The following LRP6 variants were observed in gnomAD, a reference collection of about 807,000 sequenced individuals.
LRP6 encodes the protein low-density lipoprotein receptor-related protein 6.
LRP6 carries 43 observed loss-of-function variants against 184.1 expected under a neutral mutation model. The observed-to-expected ratio is 0.23, with a 90% CI of 0.18 to 0.30. The LOEUF (loss-of-function observed/expected upper bound fraction) is 0.30. Among genes scored for constraint, LRP6 ranks in the 10% least tolerant of loss-of-function variants. LRP6 has a pLI of 1.00. For missense variants in LRP6, 1,571 were observed against 2,005.3 expected, an observed-to-expected ratio of 0.78 and a Z score of 4.14; for synonymous variants, 719 against 684.9, an observed-to-expected ratio of 1.05 and a Z score of -0.78.
chr12:12,142,166 TG>T (rs956627722), intron 15 of LRP6, among the ~76,000 whole-genome samples: 1 of 152,202 alleles, frequency 6.6e-6, no homozygotes, highest in African/African-American at 2.4e-5. Flanking sequence ...GCTTGTTTTT[TG>T]TTACAAGCCA....
intron 7 of LRP6, among the ~76,000 whole-genome samples, chr12:12,178,799 C>T (rs889267589): frequency 2.0e-5 from 3 of 152,148 alleles, no homozygotes; most frequent in African/African-American, 7.2e-5. Flanking sequence ...ATGCCGTTTT[C>T]AGTATTTGAG....
In LRP6 at chr12:12,120,195, A is replaced by G. The variant is rs1591856066; in HGVS notation, c.*931T>C. 1.3e-5 allele frequency: 2 copies of G among 151,732 alleles called. No individual in the cohort carries two copies. Among genetic ancestry groups the G allele is most frequent in the South Asian group, 4.2e-4 (2 of 4,806 alleles). The allele number at this position is 151,732 out of a possible 1,614,324, so 9.4% of individuals were successfully genotyped here. ...AGCATTAAAACAATCTTGGAAGAAG[A>G]GAAATAATATGTCTAACTTTTGATC... On this transcript the variant is annotated 3_prime_UTR_variant, in exon 23 of 23. Transcript: ENST00000261349.
At chr12:12,171,445 C>T (rs1055323064) in intron 7 of LRP6, among the ~76,000 whole-genome samples, 2 of 151,828 alleles carry the variant, frequency 1.3e-5, no homozygotes, top group Admixed American at 1.3e-4. Context: ...TGGCGTGAAC[C>T]CGGGAGGTGG....
chr12:12,237,398 C>G (rs924979041), intron 2 of LRP6, among the ~76,000 whole-genome samples: 1 of 152,100 alleles, frequency 6.6e-6, no homozygotes, highest in Non-Finnish European at 1.5e-5. Context: ...ATTTGGCAAA[C>G]AGCAAACATC....
chr12:12,171,243 G>A (rs1043725274), intron 7 of LRP6, among the ~76,000 whole-genome samples: 16 of 152,188 alleles, frequency 1.1e-4, no homozygotes, highest in Admixed American at 3.3e-4. Flanking sequence ...TTGGCCGAGC[G>A]CGGTGGCTCA....
At chr12:12,149,189 C>T in intron 13 of LRP6, 36 bp from the exon 14 acceptor site, 1 of 1,549,366 alleles carries the variant, frequency 6.5e-7, no homozygotes, top group African/African-American at 1.4e-5. Flanking sequence ...AAATTAAACT[C>T]CAGGGGCAGA....
Position 12,120,994 on chromosome 12 carries a change from C to A in LRP6, c.*132G>T, listed in dbSNP as rs1949596582. The A allele has an allele frequency of 1.5e-6, 1 of 682,356 alleles. No homozygotes were observed. The highest frequency in any genetic ancestry group is 2.4e-6 in the Non-Finnish European group (1 of 422,044). 42.3% of individuals were successfully genotyped at this position (682,356 alleles called of 1,614,324 possible). A position where few individuals can be genotyped will look rare whatever the true frequency, so the allele number is the denominator to read the frequency against. ...TACAAATATCTCCAGTATTCCCTAC[C>A]CCATTTTATAATTTTAACTGTACAT... On this transcript the variant is annotated 3_prime_UTR_variant, in exon 23 of 23. Coordinates refer to ENST00000261349, the MANE Select transcript of LRP6 (RefSeq NM_002336.3).
intron 2 of LRP6, among the ~76,000 whole-genome samples, chr12:12,213,076 A>ATT (rs952923421): frequency 6.6e-6 from 1 of 152,202 alleles, no homozygotes; most frequent in Admixed American, 6.5e-5. Context: ...TCTGGAGTAA[A>ATT]TATTTTTTTC....
chr12:12,200,396 T>C (rs913261011), intron 3 of LRP6, among the ~76,000 whole-genome samples: 9 of 152,176 alleles, frequency 5.9e-5, no homozygotes, highest in Non-Finnish European at 1.2e-4. Flanking sequence ...TGTTCATGAA[T>C]GTGTCCTCAT....
rs1555100516 is a variant in LRP6, at chr12:12,119,987, C to CAA, written c.*1137_*1138dup. 3 of 42,932 alleles carry CAA rather than the reference C, an allele frequency of 7.0e-5. No individual in the cohort carries two copies. The highest frequency in any genetic ancestry group is 2.7e-4 in the African/African-American group (3 of 10,958). 2.7% of individuals were successfully genotyped at this position (42,932 alleles called of 1,614,324 possible). ...TTTACTCAGAAAACAAACAAACAAA[C>CAA]AAAATATATATATATATATATATAT... On this transcript the variant is annotated 3_prime_UTR_variant, in exon 23 of 23. Transcript: ENST00000261349.
chr12:12,264,618 T>A (rs1865710504), intron 1 of LRP6, among the ~76,000 whole-genome samples: 1 of 152,152 alleles, frequency 6.6e-6, no homozygotes. Flanking sequence ...ATGACCTAAA[T>A]GCAACAAATC....
rs984254066 is a variant in LRP6 at position 12,132,149 on chromosome 12, A to C, written c.3734-92T>G. Reference sequence around the variant, plus strand: ...ATACCTGAGTGAAGCTCATTTAATAATTAACATACACAAAATACTTTATAA... The same window carrying C: ...ATACCTGAGTGAAGCTCATTTAATACTTAACATACACAAAATACTTTATAA... On this transcript the variant is annotated intron_variant, in intron 17 of 22. Coordinates refer to ENST00000261349, the MANE Select transcript of LRP6 (RefSeq NM_002336.3). 3 of 796,918 alleles carry C rather than the reference A, an allele frequency of 3.8e-6. No homozygotes were observed. In the African/African-American group the frequency reaches 5.1e-5, roughly 14 times the overall value. 49.4% of individuals were successfully genotyped at this position (796,918 alleles called of 1,614,324 possible). A position where few individuals can be genotyped will look rare whatever the true frequency, so the allele number is the denominator to read the frequency against.
chr12:12,263,125 C>T (rs1865662809), intron 1 of LRP6, among the ~76,000 whole-genome samples: 1 of 148,782 alleles, frequency 6.7e-6, no homozygotes, highest in African/African-American at 2.5e-5. Flanking sequence ...ATTAGCTGGG[C>T]ATGGTGGTGC....
intron 13 of LRP6, among the ~76,000 whole-genome samples, chr12:12,149,564 G>A (rs1195069400): frequency 6.6e-6 from 1 of 152,296 alleles, no homozygotes; most frequent in East Asian, 1.9e-4. Flanking sequence ...AATGTATGAA[G>A]ACATTTTTTA....
chr12:12,165,088 G>C lies in LRP6; in HGVS notation c.1753C>G (p.Arg585Gly). ...CTTTGGAGTTACTCACCAATCACTC[G>C]ATGAACATTTGTAGCCTTTAGGCCC... ...LMGLKATNVH[R>G]VIGSNPCAEE... The change falls in exon 8 of 23, where the codon CGA becomes GGA. Residue 585 changes from arginine to glycine, a missense_variant. Physicochemically the swap from Arg to Gly is moderately radical, Grantham distance 125. This residue lies in a region of LRP6 where 640 missense variants were observed against 851.9 expected (regional missense o/e 0.75). Transcript: ENST00000261349. 1 of 1,612,894 alleles carries C rather than the reference G, an allele frequency of 6.2e-7. No homozygotes were observed. Among genetic ancestry groups the C allele is most frequent in the Non-Finnish European group, 8.5e-7 (1 of 1,179,076 alleles).
chr12:12,161,691 G>T (rs991466827), intron 10 of LRP6, among the ~76,000 whole-genome samples: 2 of 152,130 alleles, frequency 1.3e-5, no homozygotes, highest in Non-Finnish European at 2.9e-5. Context: ...ATCATGTTGT[G>T]AACAGTTTAT....
At chr12:12,249,185 C>G in intron 1 of LRP6, 1 of 739,112 alleles carries the variant, frequency 1.4e-6, no homozygotes, top group Non-Finnish European at 2.4e-6. Flanking sequence ...GAATATACAG[C>G]CTTAAAATAA....
At chr12:12,148,190 G>A (rs1057344170) in intron 14 of LRP6, among the ~76,000 whole-genome samples, 8 of 151,810 alleles carry the variant, frequency 5.3e-5, no homozygotes, top group Non-Finnish European at 8.8e-5. Flanking sequence ...AGCTTTCATA[G>A]ATTAACAGAA....
intron 6 of LRP6, among the ~76,000 whole-genome samples, chr12:12,180,779 C>A (rs187612962): frequency 2.0e-4 from 30 of 152,042 alleles, no homozygotes; most frequent in African/African-American, 7.2e-4. Context: ...TGATGCAATC[C>A]GAGCAAAATC....
Sources: allele counts gnomAD v4.1 joint callset (sites outside exome capture counted in the v4.1 genomes callset), GRCh38; gene constraint gnomAD v4.1.1; regional missense constraint gnomAD v4.1.1; transcripts MANE v1.5; gene names NCBI Gene and HGNC (gene_info 2026-07-23, HGNC 2026-07-21).